Variants in ADAMTS9 observed in about 807,000 individuals in gnomAD.
The protein encoded by ADAMTS9 is ADAM metallopeptidase with thrombospondin type 1 motif 9, also known as A disintegrin and metalloproteinase with thrombospondin motifs 9.
ADAMTS9 carries 107 observed loss-of-function variants against 257.1 expected under a neutral mutation model. The observed-to-expected ratio is 0.42, with a 90% CI of 0.36 to 0.49. The LOEUF is 0.49. Ranked by LOEUF, ADAMTS9 falls within the 20% of genes least tolerant of loss-of-function variation. The pLI is 0.03. For missense variants in ADAMTS9, 2,353 were observed against 2,469.1 expected (o/e 0.95, Z 1.00); for synonymous variants, 982 against 880.9 (o/e 1.11, Z -2.03).
chr3:64,654,943 C>T (rs1478274670), intron 6 of ADAMTS9, among the ~76,000 whole-genome samples: 2 of 152,254 alleles, frequency 1.3e-5, no homozygotes, highest in East Asian at 1.9e-4. Flanking sequence ...TGAGAAGGTG[C>T]AAGATACCTT....
At chr3:64,577,812 T>C (rs1215322760) in intron 28 of ADAMTS9, among the ~76,000 whole-genome samples, 1 of 152,212 alleles carries the variant, frequency 6.6e-6, no homozygotes, top group Non-Finnish European at 1.5e-5. Flanking sequence ...AACCAATATC[T>C]GCCCCTTGGA....
At chr3:64,592,441 T>G (rs1248707712) in intron 28 of ADAMTS9, 1 of 152,188 alleles carries the variant, frequency 6.6e-6, no homozygotes, top group Non-Finnish European at 1.5e-5. Flanking sequence ...TTACAATAAT[T>G]AGCAGTTCAT....
intron 4 of ADAMTS9, 169 bp from the exon 5 acceptor site, chr3:64,656,044 T>G (rs1041748600): frequency 3.8e-6 from 2 of 520,878 alleles, no homozygotes; most frequent in Non-Finnish European, 6.9e-6. Flanking sequence ...AGTCTCTTCA[T>G]AAAATTCATA....
intron 12 of ADAMTS9, among the ~76,000 whole-genome samples, chr3:64,638,031 AAT>A (rs1279790549): frequency 6.6e-6 from 1 of 152,222 alleles, no homozygotes; most frequent in East Asian, 1.9e-4. Flanking sequence ...ATATGTCTTA[AAT>A]ATGTTTTTAA....
intron 28 of ADAMTS9, among the ~76,000 whole-genome samples, chr3:64,571,659 T>C (rs1161077863): frequency 1.3e-5 from 2 of 152,238 alleles, no homozygotes; most frequent in Non-Finnish European, 2.9e-5. Context: ...ATCTGCCTAA[T>C]ATTGTTAAGA....
Position 64,615,364 on chromosome 3 carries a change from C to T in ADAMTS9, c.3146G>A (p.Ser1049Asn), listed in dbSNP as rs1355950910. ...TTTCCACTGTGGACAAGGGAACTCA[C>T]TGCACCTCTGAATGGTAACTTTCTC... ...HQEKVTIQRC[S>N]EFPCPQWKSG... is the part of the protein sequence containing the mutation. The change falls in exon 21 of 40, where the codon AGT becomes AAT. Residue 1049 changes from serine (S) to asparagine (N), a missense_variant. Physicochemically the swap from Ser to Asn is conservative, Grantham distance 46 (BLOSUM62 1). Around this residue, in one of 3 missense-constraint regions of ADAMTS9, gnomAD observed 1,402 missense variants for 1,441.4 expected, o/e 0.97. Transcript: ENST00000498707. The T allele has an allele frequency of 6.2e-7, 1 of 1,614,068 alleles. No individual in the cohort carries two copies. Among genetic ancestry groups the T allele is most frequent in the Non-Finnish European group, 8.5e-7 (1 of 1,179,948 alleles).
intron 3 of ADAMTS9, among the ~76,000 whole-genome samples, chr3:64,675,746 G>T (rs1305191659): frequency 1.3e-5 from 2 of 152,088 alleles, no homozygotes; most frequent in East Asian, 3.9e-4. Flanking sequence ...TCTTCTTCCT[G>T]GCTGTGTGAC....
chr3:64,623,621 AAAGAT>A (rs1422090272), intron 16 of ADAMTS9, among the ~76,000 whole-genome samples: 1 of 152,204 alleles, frequency 6.6e-6, no homozygotes, highest in East Asian at 1.9e-4. Context: ...TTACACAGTA[AAAGAT>A]TAATACACCA....
At chr3:64,635,877 G>A (rs746131589) in intron 12 of ADAMTS9, among the ~76,000 whole-genome samples, 20 of 152,050 alleles carry the variant, frequency 1.3e-4, no homozygotes, top group Admixed American at 2.0e-4. Context: ...GATGACCCAT[G>A]AATAATAGAT....
At chr3:64,610,229 C>A (rs536414508) in intron 22 of ADAMTS9, among the ~76,000 whole-genome samples, 82 of 152,276 alleles carry the variant, frequency 5.4e-4, no homozygotes, top group African/African-American at 1.9e-3. Flanking sequence ...ACATCATAAA[C>A]AAGGGCAACA....
At chr3:64,600,361 G>A (rs2084437143) in intron 26 of ADAMTS9, among the ~76,000 whole-genome samples, 1 of 151,998 alleles carries the variant, frequency 6.6e-6, no homozygotes, top group Non-Finnish European at 1.5e-5. Context: ...TAACGTAGGG[G>A]AAAAAATATC....
chr3:64,516,944 CAT>C lies in ADAMTS9; in HGVS notation c.*181_*182del, dbSNP rs1559741645. 2.0e-5 allele frequency: 3 copies of C among 152,446 alleles called. No homozygotes were observed. Among genetic ancestry groups the C allele is most frequent in the South Asian group, 2.1e-4 (1 of 4,822 alleles). The allele number at this position is 152,446 out of a possible 1,614,324, so 9.4% of individuals were successfully genotyped here. A position where few individuals can be genotyped will look rare whatever the true frequency, so the allele number is the denominator to read the frequency against. On this transcript the variant is annotated 3_prime_UTR_variant, in exon 40 of 40. Coordinates refer to ENST00000498707, the MANE Select transcript of ADAMTS9 (RefSeq NM_182920.2). Reference sequence around the variant, plus strand: ...GATAGTCTACATATCTACATACACACATATATGTGTATATATGTATGTGTAGA... The same window carrying C: ...GATAGTCTACATATCTACATACACACATATGTGTATATATGTATGTGTAGA...
At chr3:64,665,828 C>A (rs1701342680) in intron 3 of ADAMTS9, among the ~76,000 whole-genome samples, 1 of 152,188 alleles carries the variant, frequency 6.6e-6, no homozygotes, top group Non-Finnish European at 1.5e-5. Flanking sequence ...CTTCTCTGGG[C>A]CTCAGTTTCC....
chr3:64,546,570 C>T (rs2083202232), intron 32 of ADAMTS9, among the ~76,000 whole-genome samples, 188 bp downstream of exon 32: 1 of 152,198 alleles, frequency 6.6e-6, no homozygotes, highest in African/African-American at 2.4e-5. Context: ...AGCCCATGTT[C>T]TAAGCACAAA....
chr3:64,564,077 G>T (rs2083478845), intron 29 of ADAMTS9, among the ~76,000 whole-genome samples: 1 of 152,166 alleles, frequency 6.6e-6, no homozygotes, highest in Non-Finnish European at 1.5e-5. Flanking sequence ...AAGTTTTCTT[G>T]TTCTGTTCAG....
At chr3:64,670,728 C>T (rs577055580) in intron 3 of ADAMTS9, among the ~76,000 whole-genome samples, 3 of 151,940 alleles carry the variant, frequency 2.0e-5, no homozygotes, top group African/African-American at 7.3e-5. Flanking sequence ...GACGCTTCAC[C>T]AAAAAAGATA....
chr3:64,678,123 G>A (rs1006007109), intron 3 of ADAMTS9, among the ~76,000 whole-genome samples: 1 of 152,186 alleles, frequency 6.6e-6, no homozygotes, highest in Non-Finnish European at 1.5e-5. Flanking sequence ...AGCTCAGCAG[G>A]AGACCTCTCT....
In ADAMTS9 at chr3:64,658,512, A is replaced by G. The variant is rs890348420; in HGVS notation, c.959T>C (p.Leu320Ser). 6.2e-7 allele frequency: 1 copy of G among 1,610,122 alleles called. No homozygotes were observed. Among genetic ancestry groups the G allele is most frequent in the Non-Finnish European group, 8.5e-7 (1 of 1,178,562 alleles). The part of the protein sequence containing the change: ...GENLQHYILT[L>S]MSIVASIYKD... ...TTTGAATGTACTTACAATTGACATTAAAGTTAAAATATAGTGTTGAAGGTT... is the reference window on the plus strand; with the variant it reads ...TTTGAATGTACTTACAATTGACATTGAAGTTAAAATATAGTGTTGAAGGTT... Residue 320 changes from leucine (L) to serine (S), a missense_variant, in exon 4 of 40, where the codon TTA becomes TCA. By Grantham distance (145) the Leu-to-Ser change is moderately radical. Coordinates refer to ENST00000498707, the MANE Select transcript of ADAMTS9 (RefSeq NM_182920.2).
intron 3 of ADAMTS9, among the ~76,000 whole-genome samples, chr3:64,667,436 G>A (rs574174497): frequency 1.3e-5 from 2 of 152,320 alleles, no homozygotes; most frequent in South Asian, 2.1e-4. Context: ...ATAACAAGAC[G>A]CAGGTGGGAT....
Sources: gnomAD v4.1 joint callset for allele counts (sites outside exome capture counted in the v4.1 genomes callset) on GRCh38, gnomAD v4.1.1 for gene constraint, gnomAD v4.1.1 regional missense constraint, MANE v1.5 for transcripts, NCBI Gene and HGNC (gene_info 2026-07-23, HGNC 2026-07-21) for gene names.